Variants in SLC25A26 observed in about 807,000 individuals in gnomAD.
SLC25A26 encodes solute carrier family 25 member 26.
In SLC25A26, 36 loss-of-function variants were observed where a neutral mutation model predicts 37.8. The observed-to-expected ratio is 0.95, with a 90% CI of 0.73 to 1.26. SLC25A26 has a LOEUF of 1.26. SLC25A26 is among the 50% of genes most tolerant of loss of function. The pLI, the probability that SLC25A26 is intolerant of heterozygous loss-of-function variation, is 0.00. For synonymous variants in SLC25A26, 129 were observed against 122.5 expected (o/e 1.05, Z -0.35); for missense variants, 390 against 331.1 (o/e 1.18, Z -1.38).
At chr3:66,273,624 A>G (rs1227813432) in intron 5 of SLC25A26, among the ~76,000 whole-genome samples, 1 of 152,202 alleles carries the variant, frequency 6.6e-6, no homozygotes, top group Non-Finnish European at 1.5e-5. Context: ...CAGAGAGCCA[A>G]ATCATGAGTG....
chr3:66,158,810 T>A (rs987610977), intron 1 of SLC25A26, among the ~76,000 whole-genome samples: 5 of 152,152 alleles, frequency 3.3e-5, no homozygotes, highest in African/African-American at 9.7e-5. Context: ...GTTTAAGGAA[T>A]TGGTCTTGAG....
chr3:66,226,662 T>C (rs1296651933), intron 1 of SLC25A26, among the ~76,000 whole-genome samples: 1 of 152,118 alleles, frequency 6.6e-6, no homozygotes, highest in Non-Finnish European at 1.5e-5. Flanking sequence ...AGGGTCTTGC[T>C]GTGTTGCCAG....
In SLC25A26 at chr3:66,284,692, CAA is replaced by C. The variant is rs1412530477; in HGVS notation, c.453+21314_453+21315del. Among the ~76,000 whole-genome samples, 8 of 152,192 alleles carry C rather than the reference CAA, an allele frequency of 5.3e-5. No homozygotes were observed. In the South Asian group the frequency reaches 8.3e-4, roughly 16 times the overall value. On this transcript the variant is annotated intron_variant, in intron 5 of 9. Coordinates refer to ENST00000354883, the MANE Select transcript of SLC25A26 (RefSeq NM_001379210.1). ...GGATCAATCTCAACAAATTTCATAA[CAA>C]GAGATGCAAAGTCATATAGGGTAAG...
intron 5 of SLC25A26, among the ~76,000 whole-genome samples, chr3:66,319,248 G>GT (rs11428147): frequency 0.3 from 44,960 of 150,748 alleles, 7,384 homozygotes; most frequent in East Asian, 0.7. Flanking sequence ...TTATATAATT[G>GT]TTTTTTTTTC....
At chr3:66,316,948 C>A (rs1463391643) in intron 5 of SLC25A26, among the ~76,000 whole-genome samples, 1 of 152,118 alleles carries the variant, frequency 6.6e-6, no homozygotes. Context: ...TTTTTCAACT[C>A]CATCAGGTCA....
intron 6 of SLC25A26, 66 bp downstream of exon 6, chr3:66,346,474 G>GAGTAGA: frequency 1.3e-6 from 1 of 765,586 alleles, no homozygotes; most frequent in East Asian, 3.1e-5. Flanking sequence ...TTTGAGTGTG[G>GAGTAGA]AAGAGTAGAA....
intron 1 of SLC25A26, among the ~76,000 whole-genome samples, chr3:66,190,320 A>G (rs2070914449): frequency 1.5e-5 from 1 of 64,802 alleles, no homozygotes; most frequent in Non-Finnish European, 3.9e-5. Flanking sequence ...GTCAAAAAAA[A>G]AAAAAGAAAA....
intron 5 of SLC25A26, among the ~76,000 whole-genome samples, chr3:66,320,763 T>G (rs965912065): frequency 1.3e-5 from 2 of 152,226 alleles, no homozygotes; most frequent in African/African-American, 2.4e-5. Context: ...CTCTTTAAAT[T>G]ATAGTCATAC....
intron 5 of SLC25A26, among the ~76,000 whole-genome samples, chr3:66,277,373 G>A (rs2074189947): frequency 6.6e-6 from 1 of 152,060 alleles, no homozygotes; most frequent in Admixed American, 6.6e-5. Flanking sequence ...TATTATATGT[G>A]TAAACTAAGA....
intron 1 of SLC25A26, among the ~76,000 whole-genome samples, chr3:66,180,182 C>A (rs1412742168): frequency 6.6e-6 from 1 of 152,120 alleles, no homozygotes; most frequent in Non-Finnish European, 1.5e-5. Flanking sequence ...GACTGGGAGG[C>A]GTAGTTATGA....
At chr3:66,338,257 G>A (rs1005028600) in intron 5 of SLC25A26, among the ~76,000 whole-genome samples, 5 of 151,930 alleles carry the variant, frequency 3.3e-5, no homozygotes, top group African/African-American at 4.8e-5. Flanking sequence ...ATTGATGGAC[G>A]TTAGCTGTTG....
intron 1 of SLC25A26, among the ~76,000 whole-genome samples, chr3:66,224,289 A>C (rs1553659686): frequency 6.6e-6 from 1 of 152,226 alleles, no homozygotes; most frequent in Non-Finnish European, 1.5e-5. Flanking sequence ...TAATTTATAA[A>C]GGAAAGAGTC....
rs141134146 is a variant in SLC25A26 at position 66,167,057 on chromosome 3, T to C, written c.-354+33073T>C. Reference sequence around the variant, plus strand: ...ATGTGCCTTTCACCTTCCACCATGATTGTGAGGCCTCCCCAGCCACGTGGA... The same window carrying C: ...ATGTGCCTTTCACCTTCCACCATGACTGTGAGGCCTCCCCAGCCACGTGGA... On this transcript the variant is annotated intron_variant, in intron 1 of 10. Coordinates refer to the SLC25A26 transcript ENST00000676754. 5.6e-4 allele frequency among the ~76,000 whole-genome samples: 85 copies of C among 152,318 alleles called. 1 individual carries two copies. In the East Asian group the frequency reaches 8.1e-3, roughly 15 times the overall value.
chr3:66,186,768 G>C (rs2070836644), intron 1 of SLC25A26, among the ~76,000 whole-genome samples: 1 of 151,552 alleles, frequency 6.6e-6, no homozygotes, highest in Non-Finnish European at 1.5e-5. Context: ...CCTTCACACT[G>C]AACTGACACT....
At chr3:66,300,209 G>A (rs531981927) in intron 5 of SLC25A26, among the ~76,000 whole-genome samples, 3 of 147,686 alleles carry the variant, frequency 2.0e-5, no homozygotes, top group African/African-American at 5.0e-5. Context: ...CTTAAATCCC[G>A]TTACAGTGAA....
intron 1 of SLC25A26, among the ~76,000 whole-genome samples, chr3:66,188,319 C>T (rs923573800): frequency 1.5e-3 from 226 of 152,240 alleles, no homozygotes; most frequent in Admixed American, 4.1e-3. Flanking sequence ...TTGTCTCCTC[C>T]AAACCTCATT....
chr3:66,138,142 C>T (rs1312704923), intron 1 of SLC25A26, among the ~76,000 whole-genome samples: 1 of 152,142 alleles, frequency 6.6e-6, no homozygotes, highest in Non-Finnish European at 1.5e-5. Context: ...CCCACATGAA[C>T]ATTTTCTATG....
chr3:66,175,140 T>TATATATAC (rs1413714739), intron 1 of SLC25A26, among the ~76,000 whole-genome samples: 30 of 66,984 alleles, frequency 4.5e-4, no homozygotes, highest in South Asian at 2.0e-3. Flanking sequence ...TATATATATA[T>TATATATAC]ACACACACAC....
chr3:66,290,258 A>G (rs2074659477), intron 5 of SLC25A26, among the ~76,000 whole-genome samples: 1 of 152,292 alleles, frequency 6.6e-6, no homozygotes, highest in African/African-American at 2.4e-5. Flanking sequence ...TGTCATCTGC[A>G]AACAGAGACA....
Sources: gnomAD v4.1 joint callset for allele counts (sites outside exome capture counted in the v4.1 genomes callset) on GRCh38, gnomAD v4.1.1 for gene constraint, MANE v1.5 for transcripts, NCBI Gene and HGNC (gene_info 2026-07-23, HGNC 2026-07-21) for gene names.